Variants in POLG observed in about 807,000 individuals in gnomAD.
POLG encodes DNA polymerase subunit gamma-1.
In POLG, 110 loss-of-function variants were observed where a neutral mutation model predicts 155.4. The observed-to-expected ratio is 0.71, with a 90% CI of 0.61 to 0.83. The LOEUF (loss-of-function observed/expected upper bound fraction) is 0.83, where lower values mean the gene tolerates loss of function less well. Among genes scored for constraint, POLG ranks in the 40% least tolerant of loss-of-function variants. The pLI is 0.00. For synonymous variants in POLG, 701 were observed against 631.5 expected, an observed-to-expected ratio of 1.11 and a Z score of -1.65; for missense variants, 1,685 against 1,627.5, an observed-to-expected ratio of 1.04 and a Z score of -0.61.
At chr15:89,320,279 C>A (rs997275022) in intron 18 of POLG, among the ~76,000 whole-genome samples, 4 of 152,204 alleles carry the variant, frequency 2.6e-5, no homozygotes, top group African/African-American at 4.8e-5. Context: ...GCCCTGAGCA[C>A]ACAGTATGCA....
chr15:89,326,520 G>A, intron 9 of POLG, 92 bp downstream of exon 9: 1 of 1,390,848 alleles, frequency 7.2e-7, no homozygotes, highest in South Asian at 1.2e-5. Flanking sequence ...ACATGTGCAT[G>A]ATGCCTCTGT....
intron 10 of POLG, among the ~76,000 whole-genome samples, 173 bp downstream of exon 10, chr15:89,325,271 TGAGAGA>T (rs1170298448): frequency 3.2e-5 from 3 of 92,726 alleles, no homozygotes; most frequent in African/African-American, 2.1e-4. Flanking sequence ...AGTGAGTGAG[TGAGAGA>T]GAGAGAAAGA....
In POLG at chr15:89,326,770, G is replaced by A. The variant is rs761536732; in HGVS notation, c.1586-32C>T. On this transcript the variant is annotated intron_variant, in intron 8 of 22. Coordinates refer to ENST00000268124, the MANE Select transcript of POLG (RefSeq NM_002693.3). The stretch of plus-strand genomic sequence containing the variant: ...GGGTGGGGGAAGACAATCAGGAGCA[G>A]GAGAAGGAACTCTCAATAAGATCTG... The A allele has an allele frequency of 3.1e-6, 5 of 1,613,950 alleles. No homozygotes were observed. The South Asian group carries it at 4.4e-5, about 14-fold the overall frequency.
At chr15:89,319,887 C>A (rs960639754) in intron 18 of POLG, among the ~76,000 whole-genome samples, 5 of 152,160 alleles carry the variant, frequency 3.3e-5, no homozygotes, top group African/African-American at 1.2e-4. Flanking sequence ...CAAGGCTTGT[C>A]GCCTGAAGGC....
rs765542094 is a variant in POLG, at chr15:89,333,354, T to A, written c.401A>T (p.Asn134Ile). 7 of 1,571,044 alleles carry A rather than the reference T, an allele frequency of 4.5e-6. No individual in the cohort carries two copies. In the Admixed American group the frequency reaches 9.2e-5, roughly 21 times the overall value. The change falls in exon 2 of 23, where the codon AAC becomes ATC. Residue 134 changes from asparagine (N) to isoleucine (I), a missense_variant. Transcript: ENST00000268124. The stretch of plus-strand genomic sequence containing the variant: ...CAGGAGGCGGAAGTGCTGGTCCAGG[T>A]TGTCCCCGTAGAGGGGCGGCAGGCG... ...ELRLPPLYGDNLDQHFRLLAQ... is the reference protein window; with the variant it reads ...ELRLPPLYGDILDQHFRLLAQ...
At chr15:89,331,251 TCATACTC>T (rs1283042232) in intron 2 of POLG, among the ~76,000 whole-genome samples, 2 of 152,118 alleles carry the variant, frequency 1.3e-5, no homozygotes, top group Admixed American at 6.5e-5. Flanking sequence ...AAAATCGAAC[TCATACTC>T]CAAATGGTGA....
Position 89,328,742 on chromosome 15 carries a change from C to T in POLG, c.1113G>A (p.Lys371=). 6.2e-7 allele frequency: 1 copy of T among 1,614,174 alleles called. No homozygotes were observed. The change falls in exon 5 of 23, where the codon AAG becomes AAA. Residue 371 remains lysine, a synonymous_variant. Coordinates refer to ENST00000268124, the MANE Select transcript of POLG (RefSeq NM_002693.3). ...RLYVGGPPLE[K]EPRELFVKGT... ...CCTTCACAAACAGTTCTCGAGGCTC[C>T]TTCTCTAAGGGAGGCCCCCCTACAT...
Position 89,320,897 on chromosome 15 carries a change from G to A in POLG, c.2850C>T (p.Asn950=). 6.2e-7 allele frequency: 1 copy of A among 1,614,006 alleles called. No individual in the cohort carries two copies. The highest frequency in any genetic ancestry group is 8.5e-7 in the Non-Finnish European group (1 of 1,180,044). Residue 950 remains asparagine (N), a synonymous_variant, in exon 18 of 23, where the codon AAC becomes AAT. Coordinates refer to ENST00000268124, the MANE Select transcript of POLG (RefSeq NM_002693.3). ...GISREHAKIF[N]YGRIYGAGQP... Reference sequence around the variant, plus strand: ...GCCCAGCACCATAGATGCGGCCGTAGTTGAAGATTTTGGCATGCTCACGGC... The same window carrying A: ...GCCCAGCACCATAGATGCGGCCGTAATTGAAGATTTTGGCATGCTCACGGC...
chr15:89,317,899 A>G (rs2055325577), intron 21 of POLG: 3 of 356,648 alleles, frequency 8.4e-6, no homozygotes, highest in Non-Finnish European at 1.6e-5. Flanking sequence ...TAAGAGGGCA[A>G]TGGGAACAAT....
At chr15:89,320,381 CCA>C (rs1292917506) in intron 18 of POLG, among the ~76,000 whole-genome samples, 1 of 152,188 alleles carries the variant, frequency 6.6e-6, no homozygotes, top group Non-Finnish European at 1.5e-5. Flanking sequence ...CCTACATGCT[CCA>C]GTTTGCCACA....
chr15:89,324,931 G>A (rs563652169), intron 10 of POLG, among the ~76,000 whole-genome samples: 1 of 152,330 alleles, frequency 6.6e-6, no homozygotes, highest in African/African-American at 2.4e-5. Context: ...GGGCCCAAGA[G>A]TAGGGCCTTT....
At position 89,330,174 on chromosome 15, in the gene POLG, G is replaced by A. The variant is rs1038919197; in HGVS notation, c.762C>T (p.Ser254=). The A allele has an allele frequency of 1.9e-6, 3 of 1,613,692 alleles. No individual in the cohort carries two copies. The highest frequency in any genetic ancestry group is 1.3e-5 in the African/African-American group (1 of 74,946). Residue 254 remains serine, a synonymous_variant, in exon 3 of 23, where the codon AGC becomes AGT. Coordinates refer to ENST00000268124, the MANE Select transcript of POLG (RefSeq NM_002693.3). ...CCTGCCAGTCTCTCTGGGTGGGGCTGCTGGCACCAGTAGGGACCTCCAGGG... is the reference window on the plus strand; with the variant it reads ...CCTGCCAGTCTCTCTGGGTGGGGCTACTGGCACCAGTAGGGACCTCCAGGG... ...LIPLEVPTGA[S]SPTQRDWQEQ...
chr15:89,323,843 G>C lies in POLG; in HGVS notation c.2129C>G (p.Ala710Gly). ...EAEAKMENLR[A>G]AVPGQPLALT... ...AGCTAGGGGTTGACCTGGCACTGCA[G>C]CTCGCAAGTTCTCCATCTTGGCCTC... The change falls in exon 12 of 23, where the codon GCT becomes GGT. Residue 710 changes from alanine to glycine, a missense_variant. Ala to Gly is a moderately conservative substitution (Grantham distance 60). Coordinates refer to ENST00000268124, the MANE Select transcript of POLG (RefSeq NM_002693.3). 6.2e-7 allele frequency: 1 copy of C among 1,614,060 alleles called. No homozygotes were observed. Among genetic ancestry groups the C allele is most frequent in the Non-Finnish European group, 8.5e-7 (1 of 1,179,896 alleles).
chr15:89,323,789 A>G (rs372862415), intron 12 of POLG, 26 bp downstream of exon 12: 4 of 1,588,896 alleles, frequency 2.5e-6, no homozygotes, highest in Non-Finnish European at 3.5e-6. Context: ...ACCCACCTAG[A>G]GAACCCAAGC....
chr15:89,330,945 G>A (rs2055586505), intron 2 of POLG, among the ~76,000 whole-genome samples: 2 of 152,150 alleles, frequency 1.3e-5, no homozygotes, highest in Admixed American at 6.5e-5. Context: ...CCTGTTGGGG[G>A]CCCGACACTG....
Position 89,317,488 on chromosome 15 carries a change from G to A in POLG, c.3531C>T (p.Val1177=), listed in dbSNP as rs1060504039. Residue 1177 remains valine, a synonymous_variant, in exon 22 of 23, where the codon GTC becomes GTT. Coordinates refer to ENST00000268124, the MANE Select transcript of POLG (RefSeq NM_002693.3). ...CAATATCGACTGCACTGAAAAAGGCGACTGACTGGGGCAAGTCATTCAGAC... is the reference window on the plus strand; with the variant it reads ...CAATATCGACTGCACTGAAAAAGGCAACTGACTGGGGCAAGTCATTCAGAC... ...KLGLNDLPQS[V]AFFSAVDIDR... is the part of the protein sequence containing the mutation. 9 of 1,613,858 alleles carry A rather than the reference G, an allele frequency of 5.6e-6. No individual in the cohort carries two copies. The highest frequency in any genetic ancestry group is 3.3e-4 in the Middle Eastern group (2 of 6,084).
chr15:89,333,429 T>C lies in POLG; in HGVS notation c.326A>G (p.Lys109Arg). 1 of 1,608,828 alleles carries C rather than the reference T, an allele frequency of 6.2e-7. No homozygotes were observed. The highest frequency in any genetic ancestry group is 8.5e-7 in the Non-Finnish European group (1 of 1,179,584). ...AVRRSVEHLQ[K>R]HGLWGQPAVP... ...GGCTGGCTGCCCCCAGAGCCCGTGC[T>C]TCTGCAGGTGCTCGACGCTGCGGCG... Residue 109 changes from lysine (K) to arginine (R), a missense_variant, in exon 2 of 23, where the codon AAG becomes AGG. Transcript: ENST00000268124.
chr15:89,319,377 C>A (rs761868810), intron 18 of POLG, 27 bp from the exon 19 acceptor site: 1 of 1,612,488 alleles, frequency 6.2e-7, no homozygotes, highest in African/African-American at 1.3e-5. Flanking sequence ...CACCATCATT[C>A]CACGGGAGTG....
At position 89,326,632 on chromosome 15, in the gene POLG, C is replaced by A; in HGVS notation, c.1692G>T (p.Gln564His). The A allele has an allele frequency of 6.2e-7, 1 of 1,613,956 alleles. No individual in the cohort carries two copies. The highest frequency in any genetic ancestry group is 8.5e-7 in the Non-Finnish European group (1 of 1,180,014). Reference protein sequence around the residue: ...GTTELLPKRPQHLPGHPGWYR... With the variant: ...GTTELLPKRPHHLPGHPGWYR... ...CTCACCCAGGGTGTCCAGGAAGGTG[C>A]TGGGGCCGCTTGGGCAGGAGCTCTG... is the stretch of plus-strand genomic sequence containing the variant. The change falls in exon 9 of 23, where the codon CAG (glutamine) becomes CAT (histidine). Residue 564 changes from glutamine to histidine, a missense_variant. Transcript: ENST00000268124.
Sources: allele counts gnomAD v4.1 joint callset (sites outside exome capture counted in the v4.1 genomes callset), GRCh38; gene constraint gnomAD v4.1.1; transcripts MANE v1.5; gene names NCBI Gene and HGNC (gene_info 2026-07-23, HGNC 2026-07-21).